Variants in TMEM132B observed in about 807,000 individuals in gnomAD.
TMEM132B encodes the protein transmembrane protein 132B.
Under a neutral mutation model 90.8 loss-of-function variants are expected in TMEM132B, and 18 were observed. The observed-to-expected ratio is 0.20, with a 90% CI of 0.14 to 0.29. TMEM132B has a LOEUF of 0.29. Among genes scored for constraint, TMEM132B ranks in the 10% least tolerant of loss-of-function variants. The pLI, the probability that TMEM132B is intolerant of heterozygous loss-of-function variation, is 1.00. For missense variants in TMEM132B, 1,096 were observed against 1,326.8 expected, an observed-to-expected ratio of 0.83 and a Z score of 2.70; for synonymous variants, 504 against 523.3, an observed-to-expected ratio of 0.96 and a Z score of 0.50.
intron 2 of TMEM132B, among the ~76,000 whole-genome samples, chr12:125,359,240 A>G (rs762060875): frequency 1.3e-5 from 2 of 152,232 alleles, no homozygotes; most frequent in Non-Finnish European, 2.9e-5. Flanking sequence ...TCTACAATCT[A>G]TAACCAGATG....
At chr12:125,234,709 G>A (rs981803353) in intron 1 of TMEM132B, among the ~76,000 whole-genome samples, 13 of 152,166 alleles carry the variant, frequency 8.5e-5, no homozygotes, top group African/African-American at 3.1e-4. Context: ...TAGGTCCTTG[G>A]CGCTGTTCAT....
At chr12:125,414,368 G>A (rs1456057439) in intron 2 of TMEM132B, among the ~76,000 whole-genome samples, 2 of 151,896 alleles carry the variant, frequency 1.3e-5, no homozygotes, top group African/African-American at 4.8e-5. Context: ...ATTAATCTTG[G>A]AGGTAATCTT....
chr12:125,342,356 G>T (rs1877210761), intron 1 of TMEM132B, among the ~76,000 whole-genome samples: 1 of 152,142 alleles, frequency 6.6e-6, no homozygotes, highest in Non-Finnish European at 1.5e-5. Context: ...TTTACTAACT[G>T]TGTAATTTAA....
chr12:125,278,624 G>A (rs2136127771), intron 1 of TMEM132B, among the ~76,000 whole-genome samples: 1 of 152,062 alleles, frequency 6.6e-6, no homozygotes, highest in Non-Finnish European at 1.5e-5. Flanking sequence ...GGGATGGGGT[G>A]GGAATGAGCG....
At chr12:125,483,186 T>C (rs11058196) in intron 3 of TMEM132B, among the ~76,000 whole-genome samples, 44,120 of 151,716 alleles carry the variant, frequency 0.29, 6,690 homozygotes, top group East Asian at 0.51. Context: ...ACGGCACATG[T>C]ATACACATGT....
chr12:125,354,060 C>T (rs1449574552), intron 2 of TMEM132B, among the ~76,000 whole-genome samples: 3 of 152,340 alleles, frequency 2.0e-5, no homozygotes, highest in African/African-American at 7.2e-5. Context: ...CCAGCAGCCT[C>T]TTCCTTTAGG....
At chr12:125,556,644 GTT>G (rs1884395464) in intron 4 of TMEM132B, among the ~76,000 whole-genome samples, 1 of 152,218 alleles carries the variant, frequency 6.6e-6, no homozygotes, top group African/African-American at 2.4e-5. Flanking sequence ...TCTGGAGGTT[GTT>G]TCAGCAGCTG....
intron 1 of TMEM132B, among the ~76,000 whole-genome samples, chr12:125,252,640 A>G (rs1350491884): frequency 6.6e-6 from 1 of 152,186 alleles, no homozygotes; most frequent in Non-Finnish European, 1.5e-5. Context: ...ATTCTGTTGC[A>G]TGGACTTTTG....
At chr12:125,223,495 T>G (rs1354755870) in intron 1 of TMEM132B, among the ~76,000 whole-genome samples, 1 of 152,260 alleles carries the variant, frequency 6.6e-6, no homozygotes. Context: ...CCTTAACTTT[T>G]TTGTGGTAAA....
intron 1 of TMEM132B, among the ~76,000 whole-genome samples, chr12:125,299,398 G>A (rs112721308): frequency 0.01 from 1,528 of 152,160 alleles, 26 homozygotes; most frequent in African/African-American, 0.035. Context: ...CCATCTCCCT[G>A]ACCTTCGGCA....
chr12:125,373,063 A>C (rs1272292571), intron 2 of TMEM132B, among the ~76,000 whole-genome samples: 1 of 152,114 alleles, frequency 6.6e-6, no homozygotes, highest in Non-Finnish European at 1.5e-5. Context: ...TCTTCAAAGC[A>C]CTCATCGCCA....
intron 6 of TMEM132B, among the ~76,000 whole-genome samples, chr12:125,649,871 G>T (rs140577733): frequency 0.013 from 2,000 of 152,300 alleles, 33 homozygotes; most frequent in African/African-American, 0.043. Context: ...GATAACAGGT[G>T]CCAGGGAGAG....
chr12:125,433,483 C>A (rs1880602222), intron 3 of TMEM132B, among the ~76,000 whole-genome samples: 1 of 151,152 alleles, frequency 6.6e-6, no homozygotes, highest in African/African-American at 2.4e-5. Flanking sequence ...TACCCTCAGT[C>A]TAGACAATGA....
chr12:125,404,622 A>C (rs1189182641), intron 2 of TMEM132B, among the ~76,000 whole-genome samples: 2 of 152,216 alleles, frequency 1.3e-5, no homozygotes, highest in Admixed American at 1.3e-4. Context: ...CATAATAGCA[A>C]CACTGTAGGT....
chr12:125,644,005 T>C, intron 5 of TMEM132B, 71 bp from the exon 6 acceptor site: 1 of 1,401,874 alleles, frequency 7.1e-7, no homozygotes, highest in Non-Finnish European at 1.0e-6. Context: ...GTTCATGAAC[T>C]TTCACTGTTG....
chr12:125,249,792 A>G (rs1216361419), intron 1 of TMEM132B, among the ~76,000 whole-genome samples: 1 of 152,222 alleles, frequency 6.6e-6, no homozygotes, highest in Non-Finnish European at 1.5e-5. Context: ...TGGTCTGACA[A>G]TGGGAAGGGT....
chr12:125,606,642 T>C (rs1295942299), intron 5 of TMEM132B, among the ~76,000 whole-genome samples: 1 of 152,240 alleles, frequency 6.6e-6, no homozygotes, highest in Non-Finnish European at 1.5e-5. Context: ...TTTCGGTATC[T>C]GGGGCTTCCA....
intron 2 of TMEM132B, among the ~76,000 whole-genome samples, chr12:125,391,236 C>T (rs1256280662): frequency 2.6e-5 from 4 of 152,242 alleles, no homozygotes; most frequent in South Asian, 2.1e-4. Flanking sequence ...GCAGGTCATC[C>T]GCGGTTAAGT....
chr12:125,546,926 C>T (rs901122222), intron 4 of TMEM132B, among the ~76,000 whole-genome samples: 1 of 152,142 alleles, frequency 6.6e-6, no homozygotes, highest in Non-Finnish European at 1.5e-5. Context: ...CCTCAGGAAA[C>T]TTAACAATCA....
Sources: allele counts gnomAD v4.1 joint callset (sites outside exome capture counted in the v4.1 genomes callset), GRCh38; gene constraint gnomAD v4.1.1; transcripts MANE v1.5; gene names NCBI Gene and HGNC (gene_info 2026-07-23, HGNC 2026-07-21).